Variants in CPEB3 observed in about 807,000 individuals in gnomAD.
The protein encoded by CPEB3 is cytoplasmic polyadenylation element-binding protein 3.
In CPEB3, 20 loss-of-function variants were observed where a neutral mutation model predicts 67.2. The ratio of observed to expected loss-of-function variants is 0.30; its 90% CI spans 0.21 to 0.43. CPEB3 has a LOEUF of 0.43. CPEB3 is among the 20% of genes least tolerant of loss of function. CPEB3 has a pLI of 1.00. For synonymous variants in CPEB3, 376 were observed against 393.1 expected, an observed-to-expected ratio of 0.96 and a Z score of 0.51; for missense variants, 746 against 968.6, an observed-to-expected ratio of 0.77 and a Z score of 3.05.
intron 6 of CPEB3, among the ~76,000 whole-genome samples, chr10:92,130,036 CCAAA>C (rs966901923): frequency 2.6e-5 from 4 of 151,842 alleles, no homozygotes; most frequent in Admixed American, 1.3e-4. Flanking sequence ...GGCCCTGTCT[CCAAA>C]CAAACAAACA....
chr10:92,102,764 G>C (rs1322090883), intron 7 of CPEB3, among the ~76,000 whole-genome samples: 1 of 152,140 alleles, frequency 6.6e-6, no homozygotes, highest in African/African-American at 2.4e-5. Context: ...TTTTCTGACT[G>C]CCTCAGAAAC....
At chr10:92,216,444 T>A in intron 2 of CPEB3, 1 of 1,612,834 alleles carries the variant, frequency 6.2e-7, no homozygotes, top group East Asian at 2.2e-5. Flanking sequence ...GCGCAGCTCC[T>A]GGCTTCTCGC....
intron 6 of CPEB3, among the ~76,000 whole-genome samples, chr10:92,117,075 A>G (rs980091428): frequency 6.6e-6 from 1 of 152,058 alleles, no homozygotes; most frequent in African/African-American, 2.4e-5. Context: ...CCCAGGCTGG[A>G]GTGCAGTGGT....
intron 6 of CPEB3, among the ~76,000 whole-genome samples, chr10:92,124,339 C>T (rs1004598916): frequency 1.3e-5 from 2 of 152,198 alleles, no homozygotes; most frequent in African/African-American, 4.8e-5. Flanking sequence ...CTTTATAGTT[C>T]ATCTTCAATA....
At chr10:92,249,553 C>G (rs1039857070) in intron 1 of CPEB3, among the ~76,000 whole-genome samples, 2 of 151,918 alleles carry the variant, frequency 1.3e-5, no homozygotes, top group African/African-American at 4.8e-5. Flanking sequence ...GAGGTTGAGG[C>G]AGGAGAATCA....
intron 9 of CPEB3, among the ~76,000 whole-genome samples, chr10:92,078,926 C>G (rs1843036792): frequency 6.6e-6 from 1 of 152,138 alleles, no homozygotes; most frequent in Admixed American, 6.5e-5. Flanking sequence ...TCTCCCTCTA[C>G]TAAGAAATAG....
chr10:92,218,479 C>T (rs1428655255), intron 2 of CPEB3, among the ~76,000 whole-genome samples: 2 of 152,186 alleles, frequency 1.3e-5, no homozygotes, highest in African/African-American at 2.4e-5. Context: ...ATCACTGATA[C>T]GACTTTGCCA....
intron 1 of CPEB3, among the ~76,000 whole-genome samples, chr10:92,253,463 CAAAAAAAAAA>C (rs370091703): frequency 2.6e-5 from 2 of 76,850 alleles, no homozygotes; most frequent in South Asian, 5.8e-4. Context: ...TGTCTCAAAA[CAAAAAAAAAA>C]AAAAAAAAAA....
At chr10:92,222,565 A>C (rs1850754828) in intron 2 of CPEB3, among the ~76,000 whole-genome samples, 1 of 152,150 alleles carries the variant, frequency 6.6e-6, no homozygotes, top group Admixed American at 6.6e-5. Context: ...ATTTTAAGAG[A>C]TGTCTATGTT....
At chr10:92,228,671 G>C (rs746258442) in intron 2 of CPEB3, among the ~76,000 whole-genome samples, 1 of 151,520 alleles carries the variant, frequency 6.6e-6, no homozygotes, top group Non-Finnish European at 1.5e-5. Flanking sequence ...TACCTGAATG[G>C]GCATACTATA....
chr10:92,121,747 G>A (rs1269330086), intron 6 of CPEB3, among the ~76,000 whole-genome samples: 4 of 152,122 alleles, frequency 2.6e-5, no homozygotes, highest in African/African-American at 9.7e-5. Flanking sequence ...ACCAAGGAAT[G>A]GCTGGTTTTG....
intron 1 of CPEB3, among the ~76,000 whole-genome samples, chr10:92,245,530 CTAAA>C (rs931284340): frequency 1.3e-5 from 2 of 152,160 alleles, no homozygotes; most frequent in Non-Finnish European, 2.9e-5. Context: ...CGTAAAACAA[CTAAA>C]TGTTTACTTA....
At chr10:92,076,795 AGGAGAAAGAGGAGGAGGAGG>A (rs1195376294) in intron 9 of CPEB3, among the ~76,000 whole-genome samples, 13 of 151,784 alleles carry the variant, frequency 8.6e-5, no homozygotes, top group South Asian at 8.4e-4. Context: ...AAGAAAAAGA[AGGAGAAAGAGGAGGAGGAGG>A]GGAGAAAGAG....
intron 1 of CPEB3, among the ~76,000 whole-genome samples, chr10:92,253,216 C>T (rs963685326): frequency 2.0e-5 from 3 of 151,990 alleles, no homozygotes; most frequent in African/African-American, 4.8e-5. Context: ...AATCCCAGCA[C>T]TTTGGGAGGC....
rs1844149820 is a variant in CPEB3 at position 92,100,829 on chromosome 10, G to A, written c.1573-8885C>T. ...GATGGTCTCGATCTCCTAACCTCGT[G>A]ATCCACCCGCCTCGGCTTCCCAAAG... On this transcript the variant is annotated intron_variant, in intron 7 of 9. Transcript: ENST00000265997. 3.3e-5 allele frequency among the ~76,000 whole-genome samples: 5 copies of A among 152,108 alleles called. No individual in the cohort carries two copies. The South Asian group carries it at 1.0e-3, about 31-fold the overall frequency.
At position 92,269,231 on chromosome 10, in the gene CPEB3, C is replaced by T. The variant is rs529357854; in HGVS notation, c.-12+21695G>A. Reference sequence around the variant, plus strand: ...ATTCCCAGCAGCTAAGGGATCATCACCCATGAAGACGGGATTTGGGCTGAA... The same window carrying T: ...ATTCCCAGCAGCTAAGGGATCATCATCCATGAAGACGGGATTTGGGCTGAA... On this transcript the variant is annotated intron_variant, in intron 1 of 9. Coordinates refer to ENST00000265997, the MANE Select transcript of CPEB3 (RefSeq NM_014912.5). Among the ~76,000 whole-genome samples the T allele has an allele frequency of 3.9e-5, 6 of 152,076 alleles. No homozygotes were observed. In the East Asian group the frequency reaches 7.7e-4, roughly 20 times the overall value.
At chr10:92,078,646 T>C (rs1161736342) in intron 9 of CPEB3, among the ~76,000 whole-genome samples, 1 of 152,208 alleles carries the variant, frequency 6.6e-6, no homozygotes, top group Admixed American at 6.5e-5. Context: ...AACCCAATTA[T>C]AGCAAGCAGA....
intron 9 of CPEB3, among the ~76,000 whole-genome samples, chr10:92,069,232 T>C (rs1297410665): frequency 1.3e-5 from 2 of 152,160 alleles, no homozygotes; most frequent in African/African-American, 2.4e-5. Context: ...CACCCTTTGG[T>C]AGTCTAGTAA....
Position 92,258,647 on chromosome 10 carries a change from T to TATATAA in CPEB3, c.-11-18287_-11-18286insTTATAT, listed in dbSNP as rs1852642247. 8.4e-5 allele frequency among the ~76,000 whole-genome samples: 3 copies of TATATAA among 35,724 alleles called. No homozygotes were observed. In the South Asian group the frequency reaches 1.9e-3, roughly 23 times the overall value. The allele number at this position is 35,724 out of a possible 152,430, so 23.4% of individuals were successfully genotyped here. On this transcript the variant is annotated intron_variant, in intron 1 of 9. Transcript: ENST00000265997. ...TTGAATATATATATATATATATATA[T>TATATAA]ATATATATATATATATATATATATA...
Sources: gnomAD v4.1 joint callset for allele counts (sites outside exome capture counted in the v4.1 genomes callset) on GRCh38, gnomAD v4.1.1 for gene constraint, MANE v1.5 for transcripts, NCBI Gene and HGNC (gene_info 2026-07-23, HGNC 2026-07-21) for gene names.